EPHA6: variants seen among roughly 807,000 people sequenced by gnomAD.
EPHA6 encodes EPH receptor A6.
EPHA6 carries 50 observed loss-of-function variants against 112.0 expected under a neutral mutation model. The ratio of observed to expected loss-of-function variants is 0.45; its 90% CI spans 0.36 to 0.56. The LOEUF (loss-of-function observed/expected upper bound fraction) is 0.56, where lower values mean the gene tolerates loss of function less well. Among genes scored for constraint, EPHA6 ranks in the 20% least tolerant of loss-of-function variants. The pLI is 0.00. For missense variants in EPHA6, 1,280 were observed against 1,417.4 expected (o/e 0.90, Z 1.56); for synonymous variants, 529 against 490.7 (o/e 1.08, Z -1.03).
intron 2 of EPHA6, among the ~76,000 whole-genome samples, chr3:96,937,224 C>A (rs2040639399): frequency 6.6e-6 from 1 of 152,172 alleles, no homozygotes; most frequent in Non-Finnish European, 1.5e-5. Flanking sequence ...ATAGTCCCAA[C>A]AGTGTAAAAG....
At chr3:97,195,955 C>G (rs2077430227) in intron 3 of EPHA6, among the ~76,000 whole-genome samples, 2 of 151,592 alleles carry the variant, frequency 1.3e-5, no homozygotes, top group African/African-American at 4.8e-5. Context: ...ATTAAATGTC[C>G]CAAGTTAGTA....
At position 97,747,438 on chromosome 3, in the gene EPHA6, T is replaced by A. The variant is rs1444505187; in HGVS notation, c.3144T>A (p.Pro1048=). 1.9e-6 allele frequency: 3 copies of A among 1,569,608 alleles called. No homozygotes were observed. Among genetic ancestry groups the A allele is most frequent in the Non-Finnish European group, 2.6e-6 (3 of 1,156,834 alleles). Residue 1048 remains proline, a synonymous_variant, in exon 17 of 18, where the codon CCT becomes CCA. Transcript: ENST00000389672. ...VEDILVMPES[P]GEVPEYPLFV... ...TTTCTTACAGAATGCCAGAGTCCCC[T>A]GGTGAAGTTCCGGAATATCCTTTGT...
intron 5 of EPHA6, among the ~76,000 whole-genome samples, chr3:97,345,524 A>C (rs770868338): frequency 4.6e-5 from 7 of 152,180 alleles, no homozygotes; most frequent in Non-Finnish European, 7.4e-5. Context: ...AGTGGGCAAG[A>C]AATATGAGGG....
At chr3:97,040,860 T>C (rs1266735676) in intron 3 of EPHA6, among the ~76,000 whole-genome samples, 2 of 152,060 alleles carry the variant, frequency 1.3e-5, no homozygotes, top group African/African-American at 4.8e-5. Context: ...GGTAAAAATA[T>C]TGTTAATTCT....
intron 11 of EPHA6, among the ~76,000 whole-genome samples, chr3:97,584,475 G>A (rs754581843): frequency 1.6e-4 from 24 of 152,130 alleles, no homozygotes; most frequent in Admixed American, 4.6e-4. Context: ...CAACAGAATC[G>A]CTTTGTCATC....
At chr3:96,852,765 A>G (rs2035472438) in intron 1 of EPHA6, among the ~76,000 whole-genome samples, 1 of 152,118 alleles carries the variant, frequency 6.6e-6, no homozygotes, top group Non-Finnish European at 1.5e-5. Flanking sequence ...TGCAGATAAT[A>G]ACTGCATCTG....
intron 1 of EPHA6, among the ~76,000 whole-genome samples, chr3:96,829,904 G>A (rs898636844): frequency 6.6e-6 from 1 of 150,810 alleles, no homozygotes; most frequent in Non-Finnish European, 1.5e-5. Context: ...TATATGCTGA[G>A]CTAATACTGT....
intron 2 of EPHA6, among the ~76,000 whole-genome samples, chr3:96,964,536 CTAT>C (rs149188098): frequency 0.015 from 2,302 of 152,132 alleles, 55 homozygotes; most frequent in African/African-American, 0.047. Flanking sequence ...TTGATCCTTA[CTAT>C]TTTTTTCATC....
At chr3:97,301,006 C>A (rs945074736) in intron 5 of EPHA6, among the ~76,000 whole-genome samples, 2 of 152,092 alleles carry the variant, frequency 1.3e-5, no homozygotes, top group Non-Finnish European at 2.9e-5. Context: ...TCCAGCCATC[C>A]TGATCAATGC....
chr3:97,558,768 TA>T (rs1403712959), intron 11 of EPHA6, among the ~76,000 whole-genome samples: 1 of 151,876 alleles, frequency 6.6e-6, no homozygotes, highest in Non-Finnish European at 1.5e-5. Context: ...ATATGTTAAA[TA>T]AAAATAAGTG....
rs143634071 is a variant in EPHA6 at position 97,198,257 on chromosome 3, C to T, written c.1115-28007C>T. 1.6e-4 allele frequency among the ~76,000 whole-genome samples: 24 copies of T among 152,212 alleles called. No homozygotes were observed. The East Asian group carries it at 4.7e-3, about 30-fold the overall frequency. ...ATCTGGCTGTCTTGCTCTGCCTGCTCACCAAAAGGCACTTTTAAGGCATTG... is the reference window on the plus strand; with the variant it reads ...ATCTGGCTGTCTTGCTCTGCCTGCTTACCAAAAGGCACTTTTAAGGCATTG... On this transcript the variant is annotated intron_variant, in intron 3 of 17. Coordinates refer to ENST00000389672, the MANE Select transcript of EPHA6 (RefSeq NM_001080448.3).
intron 16 of EPHA6, among the ~76,000 whole-genome samples, chr3:97,745,926 T>A (rs1405979598): frequency 1.3e-5 from 2 of 151,846 alleles, no homozygotes; most frequent in Admixed American, 1.3e-4. Flanking sequence ...ACCAGGGTTA[T>A]ATAGCATGTA....
chr3:97,319,761 C>T lies in EPHA6; in HGVS notation c.1606+75474C>T, dbSNP rs554009631. On this transcript the variant is annotated intron_variant, in intron 5 of 17. Transcript: ENST00000389672. ...AAAATATATAAAGCCTCCATTTTTT[C>T]TTAATATTACTGAAAGTATTTCTAT... Among the ~76,000 whole-genome samples the T allele has an allele frequency of 1.8e-3, 272 of 150,426 alleles. 1 individual carries two copies. The highest frequency in any genetic ancestry group is 1.5e-3 in the Non-Finnish European group (99 of 67,632).
chr3:96,912,611 G>C (rs2039274345), intron 2 of EPHA6, among the ~76,000 whole-genome samples: 1 of 152,132 alleles, frequency 6.6e-6, no homozygotes, highest in South Asian at 2.1e-4. Flanking sequence ...GTTTTGAAAA[G>C]GGGGTTCACT....
At chr3:96,900,567 G>C (rs897127692) in intron 2 of EPHA6, among the ~76,000 whole-genome samples, 1 of 152,178 alleles carries the variant, frequency 6.6e-6, no homozygotes, top group African/African-American at 2.4e-5. Flanking sequence ...AAATACTAAA[G>C]GCAACAGAGG....
chr3:96,940,767 T>G (rs1206158477), intron 2 of EPHA6, among the ~76,000 whole-genome samples: 1 of 152,176 alleles, frequency 6.6e-6, no homozygotes, highest in Non-Finnish European at 1.5e-5. Context: ...TAGTGCTTCC[T>G]TCAGGAGCTC....
chr3:97,098,230 T>A (rs1410700616), intron 3 of EPHA6, among the ~76,000 whole-genome samples: 2 of 151,942 alleles, frequency 1.3e-5, no homozygotes. Flanking sequence ...CAAGTCTGAT[T>A]CATGAGTGTA....
chr3:97,381,165 A>C (rs2085705422), intron 5 of EPHA6, among the ~76,000 whole-genome samples: 1 of 152,146 alleles, frequency 6.6e-6, no homozygotes, highest in South Asian at 2.1e-4. Context: ...TTTAATGAAA[A>C]TACACTTGAG....
intron 3 of EPHA6, among the ~76,000 whole-genome samples, chr3:97,028,265 C>T (rs1576349622): frequency 1.3e-5 from 2 of 152,130 alleles, no homozygotes; most frequent in South Asian, 4.2e-4. Context: ...TAGAATTTAA[C>T]CACTTTAAAT....
Sources: gnomAD v4.1 joint callset for allele counts (sites outside exome capture counted in the v4.1 genomes callset) on GRCh38, gnomAD v4.1.1 for gene constraint, MANE v1.5 for transcripts, NCBI Gene and HGNC (gene_info 2026-07-23, HGNC 2026-07-21) for gene names.